The following KMT2D variants were observed in gnomAD, a reference collection of about 807,000 sequenced individuals.
KMT2D encodes the protein histone-lysine N-methyltransferase 2D.
A neutral mutation model predicts 512.7 loss-of-function variants in KMT2D; 55 were observed. The ratio of observed to expected loss-of-function variants is 0.11; its 90% CI spans 0.09 to 0.13. KMT2D has a LOEUF of 0.13. Among genes scored for constraint, KMT2D ranks in the 10% least tolerant of loss-of-function variants. The pLI, the probability that KMT2D is intolerant of heterozygous loss-of-function variation, is 1.00. For synonymous variants in KMT2D, 2,995 were observed against 2,904.0 expected (o/e 1.03, Z -1.01); for missense variants, 6,061 against 7,127.9 (o/e 0.85, Z 5.39).
At position 49,051,935 on chromosome 12, in the gene KMT2D, G is replaced by A. The variant is rs2120679088; in HGVS notation, c.1748C>T (p.Pro583Leu). The A allele has an allele frequency of 6.2e-7, 1 of 1,613,720 alleles. No homozygotes were observed. Residue 583 changes from proline to leucine, a missense_variant, in exon 11 of 55, where the codon CCT (proline) becomes CTT (leucine). By Grantham distance (98) the Pro-to-Leu change is moderately conservative (BLOSUM62 -3). This residue lies in a region of KMT2D where 848 missense variants were observed against 838.5 expected (regional missense o/e 1.01). Transcript: ENST00000301067. ...AGACATGGGTGACTCTTCAGGTGGA[G>A]GGGACATGGGTGACTCCTCAGGTGG... ...SPPPEESPMS[P>L]PPEESPMSPP...
chr12:49,041,744 G>A lies in KMT2D; in HGVS notation c.6184-39C>T, dbSNP rs151242939. The A allele has an allele frequency of 6.3e-7, 1 of 1,589,660 alleles. No individual in the cohort carries two copies. Among genetic ancestry groups the A allele is most frequent in the South Asian group, 1.1e-5 (1 of 88,306 alleles). On this transcript the variant is annotated intron_variant, in intron 30 of 54. Coordinates refer to ENST00000301067, the MANE Select transcript of KMT2D (RefSeq NM_003482.4). This position sits in a 1 kb window ranked among gnomAD's most constrained non-coding sequence, Gnocchi z 5.4. ...GACACAGCCTTAGGGCCTAGTGCTT[G>A]GTCTCATGCCCCGCCCCCATACTGT...
At position 49,022,567 on chromosome 12, in the gene KMT2D, A is replaced by G. The variant is rs760548129; in HGVS notation, c.16338+23T>C. ...GGTTGAGTGCAGACTATGCACCACA[A>G]TGGCCCCTCTGCCAGCTCATACCTG... On this transcript the variant is annotated intron_variant, in intron 52 of 54. Coordinates refer to ENST00000301067, the MANE Select transcript of KMT2D (RefSeq NM_003482.4). The surrounding 1 kb of genome is among the most constrained non-coding windows in gnomAD (Gnocchi z 8.6). 1.2e-5 allele frequency: 20 copies of G among 1,607,330 alleles called. No individual in the cohort carries two copies. Among genetic ancestry groups the G allele is most frequent in the South Asian group, 2.2e-5 (2 of 90,286 alleles).
At position 49,046,467 on chromosome 12, in the gene KMT2D, C is replaced by G. The variant is rs751857030; in HGVS notation, c.4419-43G>C. 2.5e-6 allele frequency: 4 copies of G among 1,604,628 alleles called. No homozygotes were observed. The highest frequency in any genetic ancestry group is 3.4e-6 in the Non-Finnish European group (4 of 1,174,040). ...ACAGAGCTTTAGCACCCAACCTACC[C>G]GAAGTACCCAGAAGTCCCCTCACCG... is the stretch of plus-strand genomic sequence containing the variant. On this transcript the variant is annotated intron_variant, in intron 16 of 54. Transcript: ENST00000301067. This position sits in a 1 kb window ranked among gnomAD's most constrained non-coding sequence, Gnocchi z 4.2.
chr12:49,044,595 G>C lies in KMT2D; in HGVS notation c.4964-73C>G, dbSNP rs776078026. The C allele has an allele frequency of 1.7e-4, 265 of 1,583,506 alleles. No individual in the cohort carries two copies. Among genetic ancestry groups the C allele is most frequent in the Middle Eastern group, 1.3e-3 (8 of 5,926 alleles). On this transcript the variant is annotated intron_variant, in intron 20 of 54. Transcript: ENST00000301067. This position sits in a 1 kb window ranked among gnomAD's most constrained non-coding sequence, Gnocchi z 6.4. Reference sequence around the variant, plus strand: ...CTTTTAACCTTGTCATCCTGCCACTGAGAGAGCTGAATACCTTGCCTCAGA... The same window carrying C: ...CTTTTAACCTTGTCATCCTGCCACTCAGAGAGCTGAATACCTTGCCTCAGA...
At position 49,034,880 on chromosome 12, in the gene KMT2D, C is replaced by T. The variant is rs1449021357; in HGVS notation, c.10287G>A (p.Met3429Ile). 2.5e-6 allele frequency: 4 copies of T among 1,614,004 alleles called. No individual in the cohort carries two copies. Among genetic ancestry groups the T allele is most frequent in the Non-Finnish European group, 3.4e-6 (4 of 1,179,904 alleles). ...CTTTCTTGATGCCTTTCAAAGCCACCATCTTGGCCTTTGCAATGGGATCAA... is the reference window on the plus strand; with the variant it reads ...CTTTCTTGATGCCTTTCAAAGCCACTATCTTGGCCTTTGCAATGGGATCAA... ...DIIDPIAKAK[M>I]VALKGIKKVM... Residue 3429 changes from methionine (M) to isoleucine (I), a missense_variant, in exon 36 of 55, where the codon ATG (methionine) becomes ATA (isoleucine). Physicochemically the swap from Met to Ile is conservative, Grantham distance 10. Coordinates refer to ENST00000301067, the MANE Select transcript of KMT2D (RefSeq NM_003482.4).
Position 49,038,682 on chromosome 12 carries a change from C to T in KMT2D, c.8674G>A (p.Gly2892Ser), listed in dbSNP as rs1943342093. ...HNVQKGLGPG[G>S]TPFPGQGPPQ... ...GGGCCCTGACCAGGAAACGGAGTGC[C>T]CCCAGGTCCCAGTCCTTTCTGTACA... is the stretch of plus-strand genomic sequence containing the variant. The change falls in exon 35 of 55, where the codon GGC becomes AGC. Residue 2892 changes from glycine (G) to serine (S), a missense_variant. Physicochemically the swap from Gly to Ser is moderately conservative, Grantham distance 56. This residue lies in a region of KMT2D where 527 missense variants were observed against 578.9 expected (regional missense o/e 0.91). Transcript: ENST00000301067. This position sits in a 1 kb window ranked among gnomAD's most constrained non-coding sequence, Gnocchi z 5.7. 6.2e-7 allele frequency: 1 copy of T among 1,612,596 alleles called. No homozygotes were observed. Among genetic ancestry groups the T allele is most frequent in the Non-Finnish European group, 8.5e-7 (1 of 1,179,632 alleles).
chr12:49,051,309 C>A lies in KMT2D; in HGVS notation c.2374G>T (p.Ala792Ser), dbSNP rs201778313. Residue 792 changes from alanine (A) to serine (S), a missense_variant, in exon 11 of 55, where the codon GCT becomes TCT. Physicochemically the swap from Ala to Ser is moderately conservative, Grantham distance 99. Coordinates refer to ENST00000301067, the MANE Select transcript of KMT2D (RefSeq NM_003482.4). ...VPEEPHLSPQ[A>S]EGPHLSPQPE... ...TGAGGGGACAGATGTGGTCCCTCAG[C>A]CTGGGGGGACAAGTGTGGCTCCTCA... 6.4e-7 allele frequency: 1 copy of A among 1,555,168 alleles called. No homozygotes were observed. Among genetic ancestry groups the A allele is most frequent in the Non-Finnish European group, 8.7e-7 (1 of 1,150,548 alleles).
rs897596223 is a variant in KMT2D, at chr12:49,058,311, G to A, written c.-38+1302C>T. Reference sequence around the variant, plus strand: ...ACTCTCCATAGAATGCCGGAGTGGAGAGCAGGATTGACAGCTCACCTCACT... The same window carrying A: ...ACTCTCCATAGAATGCCGGAGTGGAAAGCAGGATTGACAGCTCACCTCACT... On this transcript the variant is annotated intron_variant, in intron 1 of 54. Coordinates refer to ENST00000301067, the MANE Select transcript of KMT2D (RefSeq NM_003482.4). Among the ~76,000 whole-genome samples, 7 of 152,324 alleles carry A rather than the reference G, an allele frequency of 4.6e-5. No individual in the cohort carries two copies. In the South Asian group the frequency reaches 1.2e-3, roughly 27 times the overall value.
chr12:49,057,058 A>T (rs1419338804), intron 1 of KMT2D, among the ~76,000 whole-genome samples: 1 of 152,182 alleles, frequency 6.6e-6, no homozygotes, highest in East Asian at 1.9e-4. Flanking sequence ...ATTCGAAAGG[A>T]AAGCAGGGTG....
In KMT2D at chr12:49,051,810, G is replaced by A. The variant is rs1434021544; in HGVS notation, c.1873C>T (p.Arg625Cys). 6.8e-6 allele frequency: 11 copies of A among 1,612,996 alleles called. No individual in the cohort carries two copies. The highest frequency in any genetic ancestry group is 1.1e-5 in the South Asian group (1 of 91,050). Residue 625 changes from arginine to cysteine, a missense_variant, in exon 11 of 55, where the codon CGC (arginine) becomes TGC (cysteine). Physicochemically the swap from Arg to Cys is radical, Grantham distance 180. Coordinates refer to ENST00000301067, the MANE Select transcript of KMT2D (RefSeq NM_003482.4). ...SPLSPPPEAS[R>C]LSPPPEDSPM... is the part of the protein sequence containing the mutation. Reference sequence around the variant, plus strand: ...GAGTCCTCAGGTGGTGGGGACAGGCGTGATGCCTCAGGTGGTGGGGAAAGG... The same window carrying A: ...GAGTCCTCAGGTGGTGGGGACAGGCATGATGCCTCAGGTGGTGGGGAAAGG...
chr12:49,031,244 G>C lies in KMT2D; in HGVS notation c.13461C>G (p.Ile4487Met), dbSNP rs748431296. The change falls in exon 40 of 55, where the codon ATC (isoleucine) becomes ATG (methionine). Residue 4487 changes from isoleucine to methionine, a missense_variant. Physicochemically the swap from Ile to Met is conservative, Grantham distance 10. Coordinates refer to ENST00000301067, the MANE Select transcript of KMT2D (RefSeq NM_003482.4). ...CCAGCTTGCTGTCAATGTGCCCGTT[G>C]ATCTCAGCTCGCAGCCCCTCGGACC... is the stretch of plus-strand genomic sequence containing the variant. ...GRGSEGLRAE[I>M]NGHIDSKLAG... 5.6e-6 allele frequency: 9 copies of C among 1,612,892 alleles called. No individual in the cohort carries two copies. The highest frequency in any genetic ancestry group is 2.7e-5 in the African/African-American group (2 of 74,918).
In KMT2D at chr12:49,037,943, G is replaced by A. The variant is rs1943304810; in HGVS notation, c.9413C>T (p.Thr3138Ile). Reference sequence around the variant, plus strand: ...AGCAGGTGCGGGCTCTACCTTGGGGGTAGCAATGGTGAATTGGCAAGGAGA... The same window carrying A: ...AGCAGGTGCGGGCTCTACCTTGGGGATAGCAATGGTGAATTGGCAAGGAGA... ...HPSPCQFTIA[T>I]PKVEPAPAAN... The change falls in exon 35 of 55, where the codon ACC becomes ATC. Residue 3138 changes from threonine to isoleucine, a missense_variant. Coordinates refer to ENST00000301067, the MANE Select transcript of KMT2D (RefSeq NM_003482.4). The A allele has an allele frequency of 3.1e-6, 5 of 1,603,926 alleles. No homozygotes were observed. The highest frequency in any genetic ancestry group is 1.1e-5 in the South Asian group (1 of 89,512).
Position 49,024,463 on chromosome 12 carries a change from T to G in KMT2D, c.16052+115A>C. 7.4e-7 allele frequency: 1 copy of G among 1,356,600 alleles called. No individual in the cohort carries two copies. The highest frequency in any genetic ancestry group is 1.0e-6 in the Non-Finnish European group (1 of 997,810). 84.0% of individuals were successfully genotyped at this position (1,356,600 alleles called of 1,614,324 possible). A position where few individuals can be genotyped will look rare whatever the true frequency, so the allele number is the denominator to read the frequency against. ...CTCTAATTAGGAAGTCTAAGAGTGA[T>G]TCCCCATTTTCTCCACGGGAACTCT... On this transcript the variant is annotated intron_variant, in intron 51 of 54. Coordinates refer to ENST00000301067, the MANE Select transcript of KMT2D (RefSeq NM_003482.4). The surrounding 1 kb of genome is among the most constrained non-coding windows in gnomAD (Gnocchi z 4.5).
At position 49,025,201 on chromosome 12, in the gene KMT2D, G is replaced by C. The variant is rs74476859; in HGVS notation, c.15785-255C>G. Among the ~76,000 whole-genome samples the C allele has an allele frequency of 3.3e-4, 51 of 152,330 alleles. No individual in the cohort carries two copies. In the East Asian group the frequency reaches 9.8e-3, roughly 29 times the overall value. On this transcript the variant is annotated intron_variant, in intron 49 of 54. Transcript: ENST00000301067. ...GCCCAGGAGACCCAGCATAGGCCAT[G>C]GAAGGTCCCTAGTGAAAGAGCAGGC...
At position 49,021,574 on chromosome 12, in the gene KMT2D, G is replaced by T; in HGVS notation, c.*206C>A. ...GGCAGAGATGCCAGCCTGAGGGCCG[G>T]TGGTGGGGAAGAGGATTGTCCCTGG... On this transcript the variant is annotated 3_prime_UTR_variant, in exon 55 of 55. Coordinates refer to ENST00000301067, the MANE Select transcript of KMT2D (RefSeq NM_003482.4). 3.6e-6 allele frequency: 2 copies of T among 560,280 alleles called. No homozygotes were observed. Among genetic ancestry groups the T allele is most frequent in the Non-Finnish European group, 6.3e-6 (2 of 315,722 alleles). The allele number at this position is 560,280 out of a possible 1,614,324, so 34.7% of individuals were successfully genotyped here.
At position 49,026,274 on chromosome 12, in the gene KMT2D, G is replaced by T; in HGVS notation, c.15692C>A (p.Ser5231Tyr). 6.2e-7 allele frequency: 1 copy of T among 1,611,270 alleles called. No individual in the cohort carries two copies. The highest frequency in any genetic ancestry group is 1.1e-5 in the South Asian group (1 of 91,048). The change falls in exon 49 of 55, where the codon TCT becomes TAT. Residue 5231 changes from serine (S) to tyrosine (Y), a missense_variant. Physicochemically the swap from Ser to Tyr is moderately radical, Grantham distance 144 (BLOSUM62 -2). Coordinates refer to ENST00000301067, the MANE Select transcript of KMT2D (RefSeq NM_003482.4). The surrounding 1 kb of genome is among the most constrained non-coding windows in gnomAD (Gnocchi z 9.6). ...CGGCCGCCCGTTGTTCTCACCAATA[G>T]AACAGCGATAGCAGCAGCGACGATT... The part of the protein sequence containing the change: ...TNNRRCCYRC[S>Y]IGENNGRPEF...
chr12:49,031,780 G>A lies in KMT2D; in HGVS notation c.12925C>T (p.Pro4309Ser), dbSNP rs781003754. ...GPVLGPVHPT[P>S]PPSSPQEPKR... ...GGCTCTTGAGGGCTGGATGGTGGAG[G>A]TGTGGGATGGACAGGGCCAAGGACT... The change falls in exon 40 of 55, where the codon CCT (proline) becomes TCT (serine). Residue 4309 changes from proline (P) to serine (S), a missense_variant. Transcript: ENST00000301067. 2 of 1,610,538 alleles carry A rather than the reference G, an allele frequency of 1.2e-6. No individual in the cohort carries two copies. Among genetic ancestry groups the A allele is most frequent in the South Asian group, 2.2e-5 (2 of 90,462 alleles).
chr12:49,053,130 G>C (rs2120693653), intron 8 of KMT2D, 58 bp from the exon 9 acceptor site: 1 of 1,612,458 alleles, frequency 6.2e-7, no homozygotes, highest in Non-Finnish European at 8.5e-7. Context: ...CTAAACGAAA[G>C]TACACAACTT....
In KMT2D at chr12:49,031,861, G is replaced by C; in HGVS notation, c.12844C>G (p.Arg4282Gly). The part of the protein sequence containing the change: ...GPLQELGAGP[R>G]PQGPPRLPAP... ...GGGAGCCGGGGTGGGCCCTGAGGTC[G>C]AGGCCCTGCCCCTAGCTCCTGGAGG... Residue 4282 changes from arginine to glycine, a missense_variant, in exon 40 of 55, where the codon CGA becomes GGA. By Grantham distance (125) the Arg-to-Gly change is moderately radical. Around this residue, in one of 16 missense-constraint regions of KMT2D, gnomAD observed 1,600 missense variants for 1,754.9 expected, o/e 0.91. Transcript: ENST00000301067. 1 of 1,540,784 alleles carries C rather than the reference G, an allele frequency of 6.5e-7. No homozygotes were observed. The highest frequency in any genetic ancestry group is 2.0e-5 in the Admixed American group (1 of 49,564).
Sources: allele counts gnomAD v4.1 joint callset (sites outside exome capture counted in the v4.1 genomes callset), GRCh38; gene constraint gnomAD v4.1.1; regional missense constraint gnomAD v4.1.1; non-coding constraint Gnocchi (gnomAD v3.1); transcripts MANE v1.5; gene names NCBI Gene and HGNC (gene_info 2026-07-23, HGNC 2026-07-21).